Variants in THSD7A observed in about 807,000 individuals in gnomAD.
THSD7A encodes the protein thrombospondin type 1 domain containing 7A.
A neutral mutation model predicts 231.3 loss-of-function variants in THSD7A; 96 were observed. The ratio of observed to expected loss-of-function variants is 0.41; its 90% CI spans 0.35 to 0.49. THSD7A has a LOEUF of 0.49. Ranked by LOEUF, THSD7A falls within the 20% of genes least tolerant of loss-of-function variation. THSD7A has a pLI of 0.05. For synonymous variants in THSD7A, 940 were observed against 743.3 expected, an observed-to-expected ratio of 1.26 and a Z score of -4.30; for missense variants, 2,290 against 2,070.2, an observed-to-expected ratio of 1.11 and a Z score of -2.06.
intron 4 of THSD7A, among the ~76,000 whole-genome samples, chr7:11,544,858 C>A (rs932511473): frequency 9.7e-6 from 1 of 103,416 alleles, no homozygotes; most frequent in African/African-American, 3.8e-5. Flanking sequence ...AAATAAATAA[C>A]TGGGCACTAA....
At chr7:11,608,104 C>A (rs1261598930) in intron 2 of THSD7A, among the ~76,000 whole-genome samples, 2 of 152,102 alleles carry the variant, frequency 1.3e-5, no homozygotes, top group Non-Finnish European at 2.9e-5. Context: ...GGTGAAAATT[C>A]AGGACACAAA....
chr7:11,719,179 C>A (rs1408503470), intron 1 of THSD7A, among the ~76,000 whole-genome samples: 1 of 151,472 alleles, frequency 6.6e-6, no homozygotes, highest in Non-Finnish European at 1.5e-5. Context: ...TAGCAAATTT[C>A]TCTACTTCTT....
intron 1 of THSD7A, among the ~76,000 whole-genome samples, chr7:11,788,430 C>G (rs569364075): frequency 1.3e-5 from 2 of 151,956 alleles, no homozygotes; most frequent in Non-Finnish European, 2.9e-5. Flanking sequence ...CTGAGCATTT[C>G]CCCCCAATCC....
chr7:11,557,926 C>T (rs1789917401), intron 4 of THSD7A, among the ~76,000 whole-genome samples: 1 of 152,112 alleles, frequency 6.6e-6, no homozygotes, highest in Admixed American at 6.5e-5. Flanking sequence ...CACGACTTTG[C>T]TGATATGGGT....
rs190978144 is a variant in THSD7A at position 11,483,096 on chromosome 7, G to A, written c.1823-1114C>T. ...TGAATATATAAAAAGTGTGTGCCTC[G>A]CATTAGGCATTCAGGTGAGAAAGGG... On this transcript the variant is annotated intron_variant, in intron 6 of 27. Coordinates refer to ENST00000423059, the MANE Select transcript of THSD7A (RefSeq NM_015204.3). 1.8e-3 allele frequency among the ~76,000 whole-genome samples: 271 copies of A among 152,164 alleles called. 1 individual carries two copies. Among genetic ancestry groups the A allele is most frequent in the Non-Finnish European group, 3.1e-3 (214 of 68,008 alleles).
At chr7:11,539,425 A>C (rs1189058591) in intron 6 of THSD7A, among the ~76,000 whole-genome samples, 1 of 152,204 alleles carries the variant, frequency 6.6e-6, no homozygotes, top group African/African-American at 2.4e-5. Context: ...GACAATAACA[A>C]ATTTAATAGC....
rs951142136 is a variant in THSD7A, at chr7:11,769,399, A to G, written c.190+62358T>C. Among the ~76,000 whole-genome samples, 11 of 151,730 alleles carry G rather than the reference A, an allele frequency of 7.2e-5. No individual in the cohort carries two copies. In the East Asian group the frequency reaches 1.4e-3, roughly 19 times the overall value. ...AGAATAGTTAATTATTAAATCATCA[A>G]TTGTGTTGATCCCTTGGCTGGGACT... On this transcript the variant is annotated intron_variant, in intron 1 of 27. Coordinates refer to ENST00000423059, the MANE Select transcript of THSD7A (RefSeq NM_015204.3).
At chr7:11,818,687 G>T (rs370177135) in intron 1 of THSD7A, among the ~76,000 whole-genome samples, 1 of 152,134 alleles carries the variant, frequency 6.6e-6, no homozygotes, top group Non-Finnish European at 1.5e-5. Flanking sequence ...ACCAGAGTCC[G>T]CTAGGGATAC....
chr7:11,703,830 G>T (rs978360475), intron 1 of THSD7A, among the ~76,000 whole-genome samples: 1 of 151,036 alleles, frequency 6.6e-6, no homozygotes, highest in African/African-American at 2.4e-5. Flanking sequence ...TATCATTTTT[G>T]AAAGAGGAGC....
intron 1 of THSD7A, among the ~76,000 whole-genome samples, chr7:11,773,391 C>T (rs923162856): frequency 2.6e-5 from 4 of 151,906 alleles, no homozygotes; most frequent in African/African-American, 9.7e-5. Context: ...ATTAGCCAGG[C>T]ATGGTGGTCA....
At chr7:11,828,594 T>G (rs1232542128) in intron 1 of THSD7A, among the ~76,000 whole-genome samples, 1 of 152,130 alleles carries the variant, frequency 6.6e-6, no homozygotes, top group East Asian at 1.9e-4. Context: ...ATAAGAATTT[T>G]TTTAAAAAAG....
rs1782850599 is a variant in THSD7A, at chr7:11,761,374, G to T, written c.190+70383C>A. On this transcript the variant is annotated intron_variant, in intron 1 of 27. Coordinates refer to ENST00000423059, the MANE Select transcript of THSD7A (RefSeq NM_015204.3). ...ATTCTGGTCAATATATAACATCTTT[G>T]CAAATAGAATCACTTATACAGTAAC... 2.0e-5 allele frequency among the ~76,000 whole-genome samples: 3 copies of T among 151,954 alleles called. No individual in the cohort carries two copies. The South Asian group carries it at 6.2e-4, about 31-fold the overall frequency.
intron 1 of THSD7A, chr7:11,751,407 T>G (rs1231407479): frequency 6.6e-6 from 1 of 151,940 alleles, no homozygotes; most frequent in African/African-American, 2.4e-5. Context: ...TGGAATGAAG[T>G]GGGGGGAGGA....
chr7:11,674,755 A>T (rs912806600), intron 1 of THSD7A, among the ~76,000 whole-genome samples: 1 of 152,288 alleles, frequency 6.6e-6, no homozygotes, highest in African/African-American at 2.4e-5. Context: ...ACAAAAATCC[A>T]GAGTGTTTAA....
At chr7:11,695,283 G>A (rs1780353716) in intron 1 of THSD7A, among the ~76,000 whole-genome samples, 1 of 151,458 alleles carries the variant, frequency 6.6e-6, no homozygotes, top group African/African-American at 2.4e-5. Context: ...AGTCTAGAAT[G>A]TATTAAAACC....
intron 2 of THSD7A, among the ~76,000 whole-genome samples, chr7:11,600,381 A>G (rs779675744): frequency 3.3e-5 from 5 of 152,152 alleles, no homozygotes; most frequent in Admixed American, 1.3e-4. Flanking sequence ...ATTTACCTAA[A>G]AACTGTAGAG....
intron 6 of THSD7A, among the ~76,000 whole-genome samples, chr7:11,499,297 C>G (rs1359258345): frequency 6.6e-6 from 1 of 152,338 alleles, no homozygotes; most frequent in East Asian, 1.9e-4. Flanking sequence ...GCTGACTGCA[C>G]TGAGTTGACA....
chr7:11,544,900 A>G (rs1789313669), intron 4 of THSD7A, among the ~76,000 whole-genome samples: 1 of 147,806 alleles, frequency 6.8e-6, no homozygotes, highest in Non-Finnish European at 1.5e-5. Flanking sequence ...GAGCATTCTC[A>G]CTCGAGTTCA....
At chr7:11,707,417 T>G (rs1211559371) in intron 1 of THSD7A, among the ~76,000 whole-genome samples, 13 of 150,992 alleles carry the variant, frequency 8.6e-5, no homozygotes, top group Admixed American at 8.6e-4. Context: ...GTGTGTTGGT[T>G]GCTTGCTGAA....
Sources: gnomAD v4.1 joint callset for allele counts (sites outside exome capture counted in the v4.1 genomes callset) on GRCh38, gnomAD v4.1.1 for gene constraint, MANE v1.5 for transcripts, NCBI Gene and HGNC (gene_info 2026-07-23, HGNC 2026-07-21) for gene names.